TAF3: variants seen among roughly 807,000 people sequenced by gnomAD.
TAF3 encodes TATA-box binding protein associated factor 3, also known as transcription initiation factor TFIID subunit 3.
In TAF3, 7 loss-of-function variants were observed where a neutral mutation model predicts 80.6. The ratio of observed to expected loss-of-function variants is 0.09; its 90% CI spans 0.05 to 0.16. TAF3 has a LOEUF of 0.16. TAF3 is among the 10% of genes least tolerant of loss of function. The pLI is 1.00. For synonymous variants in TAF3, 444 were observed against 446.1 expected (o/e 1.00, Z 0.06); for missense variants, 921 against 1,140.2 (o/e 0.81, Z 2.77).
At chr10:7,969,550 T>A (rs1831603145) in intron 3 of TAF3, among the ~76,000 whole-genome samples, 1 of 152,190 alleles carries the variant, frequency 6.6e-6, no homozygotes, top group Non-Finnish European at 1.5e-5. Flanking sequence ...CAATTCCCTC[T>A]TGTTCTTTTA....
rs951450130 is a variant in TAF3, at chr10:7,833,903, C to A, written c.409+9343C>A. 12 of 754,188 alleles carry A rather than the reference C, an allele frequency of 1.6e-5. No homozygotes were observed. The Admixed American group carries it at 4.1e-4, about 26-fold the overall frequency. 46.7% of individuals were successfully genotyped at this position (754,188 alleles called of 1,614,324 possible). A position where few individuals can be genotyped will look rare whatever the true frequency, so the allele number is the denominator to read the frequency against. On this transcript the variant is annotated intron_variant, in intron 2 of 6. Coordinates refer to ENST00000344293, the MANE Select transcript of TAF3 (RefSeq NM_031923.4). ...TGGAGCGGTACCCCTTCAGCCGCTG[C>A]ACAGTGCGTGTGGAAGTGGGGCTTC...
At chr10:7,874,875 T>C (rs1837300140) in intron 2 of TAF3, among the ~76,000 whole-genome samples, 1 of 152,158 alleles carries the variant, frequency 6.6e-6, no homozygotes, top group African/African-American at 2.4e-5. Flanking sequence ...AATTATGTAT[T>C]GAGCTCGGGT....
In TAF3 at chr10:7,964,891, G is replaced by T. The variant is rs1057735; in HGVS notation, c.1381G>T (p.Asp461Tyr). 1 of 1,614,126 alleles carries T rather than the reference G, an allele frequency of 6.2e-7. No homozygotes were observed. Among genetic ancestry groups the T allele is most frequent in the East Asian group, 2.2e-5 (1 of 44,876 alleles). The change falls in exon 3 of 7, where the codon GAT becomes TAT. Residue 461 changes from aspartate (D) to tyrosine (Y), a missense_variant. Around this residue, in one of 6 missense-constraint regions of TAF3, gnomAD observed 743 missense variants for 821.0 expected, o/e 0.90. Coordinates refer to ENST00000344293, the MANE Select transcript of TAF3 (RefSeq NM_031923.4). The surrounding 1 kb of genome is among the most constrained non-coding windows in gnomAD (Gnocchi z 4.1). ...LPLSGGTSSS[D>Y]NSWTMDASID... ...TCTTTCCGGTGGAACCTCAAGTTCC[G>T]ATAACTCATGGACAATGGATGCCTC...
At chr10:7,852,460 AC>A (rs1460441030) in intron 2 of TAF3, among the ~76,000 whole-genome samples, 2 of 152,068 alleles carry the variant, frequency 1.3e-5, no homozygotes, top group Non-Finnish European at 2.9e-5. Context: ...TGTTGCAGAA[AC>A]TGCGTTGTTT....
chr10:7,953,465 C>T (rs1323946551), intron 2 of TAF3, among the ~76,000 whole-genome samples: 1 of 152,152 alleles, frequency 6.6e-6, no homozygotes, highest in Non-Finnish European at 1.5e-5. Flanking sequence ...GGTCAGATGT[C>T]AGTATTCACA....
chr10:7,820,390 AAATG>A (rs2131094793), intron 1 of TAF3, among the ~76,000 whole-genome samples: 1 of 152,272 alleles, frequency 6.6e-6, no homozygotes, highest in East Asian at 1.9e-4. Context: ...TTTGTTGAAT[AAATG>A]AATGAACTGA....
At chr10:7,980,628 T>C (rs769930137) in intron 4 of TAF3, among the ~76,000 whole-genome samples, 2 of 152,190 alleles carry the variant, frequency 1.3e-5, no homozygotes, top group Non-Finnish European at 2.9e-5. Flanking sequence ...GAAATTACAG[T>C]CTCAACACCT....
chr10:7,829,126 T>G (rs1286130851), intron 2 of TAF3, among the ~76,000 whole-genome samples: 1 of 150,750 alleles, frequency 6.6e-6, no homozygotes, highest in African/African-American at 2.4e-5. Context: ...TTGGTAAAGA[T>G]ACTGTGAGGT....
intron 4 of TAF3, among the ~76,000 whole-genome samples, chr10:7,996,643 G>T (rs1831889767): frequency 6.6e-6 from 1 of 151,796 alleles, no homozygotes; most frequent in Non-Finnish European, 1.5e-5. Flanking sequence ...GTTGTGAGGG[G>T]GGTTTTTTTT....
At chr10:7,859,123 G>A (rs567657994) in intron 2 of TAF3, among the ~76,000 whole-genome samples, 4 of 152,078 alleles carry the variant, frequency 2.6e-5, no homozygotes, top group Non-Finnish European at 5.9e-5. Context: ...TTAGCTGGGC[G>A]TGTGGTGGGC....
At chr10:7,924,465 C>A (rs2131191769) in intron 2 of TAF3, among the ~76,000 whole-genome samples, 2 of 152,200 alleles carry the variant, frequency 1.3e-5, no homozygotes, top group East Asian at 3.9e-4. Flanking sequence ...CTTGTTAAGT[C>A]CGGGGATCTG....
chr10:7,937,827 T>A (rs1276443593), intron 2 of TAF3, among the ~76,000 whole-genome samples: 4 of 152,156 alleles, frequency 2.6e-5, no homozygotes, highest in Non-Finnish European at 5.9e-5. Flanking sequence ...AGAAAAGGGG[T>A]ACTTTTTTTA....
chr10:7,823,760 G>T (rs1836713001), intron 1 of TAF3, among the ~76,000 whole-genome samples: 1 of 151,346 alleles, frequency 6.6e-6, no homozygotes, highest in Non-Finnish European at 1.5e-5. Context: ...TCAGTCCCCT[G>T]AGTAGCTGGG....
In TAF3 at chr10:8,009,482, T is replaced by A; in HGVS notation, c.2568+152T>A. Reference sequence around the variant, plus strand: ...TTGAGACAGGGTCTCCCTGTGTGGCTCAGGCTGGAGTACAGTGGCCCAATC... The same window carrying A: ...TTGAGACAGGGTCTCCCTGTGTGGCACAGGCTGGAGTACAGTGGCCCAATC... On this transcript the variant is annotated intron_variant, in intron 5 of 6. Coordinates refer to ENST00000344293, the MANE Select transcript of TAF3 (RefSeq NM_031923.4). The surrounding 1 kb of genome is among the most constrained non-coding windows in gnomAD (Gnocchi z 4.1). 2.5e-6 allele frequency: 3 copies of A among 1,223,674 alleles called. No individual in the cohort carries two copies. Among genetic ancestry groups the A allele is most frequent in the Non-Finnish European group, 3.3e-6 (3 of 918,938 alleles). 75.8% of individuals were successfully genotyped at this position (1,223,674 alleles called of 1,614,324 possible).
At chr10:7,921,491 A>C (rs1837761946) in intron 2 of TAF3, among the ~76,000 whole-genome samples, 1 of 152,136 alleles carries the variant, frequency 6.6e-6, no homozygotes, top group South Asian at 2.1e-4. Context: ...TGACCCATTA[A>C]TGGTTGTTAA....
chr10:7,871,134 A>G (rs372450673), intron 2 of TAF3, among the ~76,000 whole-genome samples: 1 of 152,190 alleles, frequency 6.6e-6, no homozygotes, highest in Non-Finnish European at 1.5e-5. Flanking sequence ...TAGTTCACTT[A>G]AAAGTTTCCT....
In TAF3 at chr10:7,851,103, G is replaced by A. The variant is rs114962653; in HGVS notation, c.409+26543G>A. Reference sequence around the variant, plus strand: ...AAATTCTATAGTATGTTTGGAAGAGGATAAGTACTATGAGAAAAACATAGA... The same window carrying A: ...AAATTCTATAGTATGTTTGGAAGAGAATAAGTACTATGAGAAAAACATAGA... On this transcript the variant is annotated intron_variant, in intron 2 of 6. Transcript: ENST00000344293. Among the ~76,000 whole-genome samples, 612 of 152,304 alleles carry A rather than the reference G, an allele frequency of 4.0e-3. 6 individuals are homozygous for A. Among genetic ancestry groups the A allele is most frequent in the African/African-American group, 0.014 (583 of 41,548 alleles).
At chr10:7,863,416 G>T (rs1461251175) in intron 2 of TAF3, among the ~76,000 whole-genome samples, 1 of 151,362 alleles carries the variant, frequency 6.6e-6, no homozygotes, top group East Asian at 2.0e-4. Flanking sequence ...TTTGAGATCA[G>T]CCTGGCCAGG....
At chr10:7,865,411 G>A (rs370709866) in intron 2 of TAF3, among the ~76,000 whole-genome samples, 2 of 152,210 alleles carry the variant, frequency 1.3e-5, no homozygotes, top group African/African-American at 2.4e-5. Flanking sequence ...CCCGGGAGGC[G>A]GAGCTTGCAG....
Sources: gnomAD v4.1 joint callset for allele counts (sites outside exome capture counted in the v4.1 genomes callset) on GRCh38, gnomAD v4.1.1 for gene constraint, gnomAD v4.1.1 regional missense constraint, Gnocchi (gnomAD v3.1) non-coding constraint, MANE v1.5 for transcripts, NCBI Gene and HGNC (gene_info 2026-07-23, HGNC 2026-07-21) for gene names.